Variants in PPP3CA observed in about 807,000 individuals in gnomAD.
The protein encoded by PPP3CA is protein phosphatase 3 catalytic subunit alpha, also known as CAM-PRP catalytic subunit.
Under a neutral mutation model 66.5 loss-of-function variants are expected in PPP3CA, and 14 were observed. The ratio of observed to expected loss-of-function variants is 0.21; its 90% CI spans 0.14 to 0.33. The LOEUF (loss-of-function observed/expected upper bound fraction) is 0.33, where lower values mean the gene tolerates loss of function less well. PPP3CA is among the 10% of genes least tolerant of loss of function. PPP3CA has a pLI of 1.00. For synonymous variants in PPP3CA, 232 were observed against 226.2 expected (o/e 1.03, Z -0.23); for missense variants, 317 against 639.5 (o/e 0.50, Z 5.44).
chr4:101,103,537 A>C (rs1730536564), intron 3 of PPP3CA, among the ~76,000 whole-genome samples: 1 of 152,200 alleles, frequency 6.6e-6, no homozygotes. Context: ...GTCACCTAAC[A>C]TCTCTTGTTG....
intron 1 of PPP3CA, among the ~76,000 whole-genome samples, chr4:101,341,208 CT>C (rs374057607): frequency 5.9e-5 from 8 of 134,826 alleles, no homozygotes; most frequent in Non-Finnish European, 1.1e-4. Context: ...TTTTCTTTTT[CT>C]TTTTTTTTTT....
intron 2 of PPP3CA, among the ~76,000 whole-genome samples, chr4:101,122,260 T>A (rs1722054652): frequency 6.6e-6 from 1 of 152,212 alleles, no homozygotes; most frequent in Non-Finnish European, 1.5e-5. Context: ...GTGACTGAGG[T>A]CACAACACTG....
intron 1 of PPP3CA, among the ~76,000 whole-genome samples, chr4:101,232,348 C>A (rs775339489): frequency 1.3e-5 from 2 of 151,608 alleles, no homozygotes; most frequent in Admixed American, 6.6e-5. Context: ...GGACCAGAGG[C>A]ACACATTTTT....
At position 101,249,511 on chromosome 4, in the gene PPP3CA, C is replaced by T. The variant is rs1726604434; in HGVS notation, c.59-53395G>A. Among the ~76,000 whole-genome samples, 5 of 151,888 alleles carry T rather than the reference C, an allele frequency of 3.3e-5. 1 individual carries two copies. Among genetic ancestry groups the T allele is most frequent in the Admixed American group, 3.3e-4 (5 of 15,268 alleles). On this transcript the variant is annotated intron_variant, in intron 1 of 13. Coordinates refer to ENST00000394854, the MANE Select transcript of PPP3CA (RefSeq NM_000944.5). ...GTGTTTTTTAGTACATTCATTCTTC[C>T]TTGAAATACCAAAGTTAAACATCAA... is the stretch of plus-strand genomic sequence containing the variant.
intron 1 of PPP3CA, among the ~76,000 whole-genome samples, chr4:101,228,877 AG>A (rs1725865056): frequency 6.6e-6 from 1 of 151,718 alleles, no homozygotes; most frequent in Non-Finnish European, 1.5e-5. Context: ...AACCTCCACC[AG>A]AAAGTTTAGT....
chr4:101,161,744 A>G (rs1723515886), intron 2 of PPP3CA, among the ~76,000 whole-genome samples: 1 of 152,180 alleles, frequency 6.6e-6, no homozygotes, highest in Admixed American at 6.5e-5. Flanking sequence ...ATACAGGAAA[A>G]AGAACAGATG....
At chr4:101,321,310 G>A (rs1729034980) in intron 1 of PPP3CA, among the ~76,000 whole-genome samples, 1 of 151,998 alleles carries the variant, frequency 6.6e-6, no homozygotes, top group Non-Finnish European at 1.5e-5. Context: ...TGGTATAGCC[G>A]ACTTACAGAA....
chr4:101,106,364 A>G (rs558406079), intron 3 of PPP3CA, among the ~76,000 whole-genome samples: 2 of 97,934 alleles, frequency 2.0e-5, no homozygotes, highest in Non-Finnish European at 4.0e-5. Context: ...TGTCTCATTT[A>G]AAAGAGAGAA....
At chr4:101,210,081 A>G (rs1011670041) in intron 1 of PPP3CA, among the ~76,000 whole-genome samples, 2 of 152,178 alleles carry the variant, frequency 1.3e-5, no homozygotes, top group Non-Finnish European at 2.9e-5. Flanking sequence ...ATAGATTCTC[A>G]AAAGAGTCTG....
intron 1 of PPP3CA, among the ~76,000 whole-genome samples, chr4:101,285,464 C>T (rs115313163): frequency 2.5e-4 from 38 of 152,174 alleles, no homozygotes; most frequent in African/African-American, 7.7e-4. Flanking sequence ...TGTTTTTGTA[C>T]GGCTTAAAGA....
chr4:101,330,077 C>T lies in PPP3CA; in HGVS notation c.58+16662G>A, dbSNP rs527548678. 3.0e-3 allele frequency among the ~76,000 whole-genome samples: 459 copies of T among 152,114 alleles called. 1 individual carries two copies. The highest frequency in any genetic ancestry group is 0.011 in the African/African-American group (441 of 41,496). On this transcript the variant is annotated intron_variant, in intron 1 of 13. Coordinates refer to ENST00000394854, the MANE Select transcript of PPP3CA (RefSeq NM_000944.5). ...AGATGTGGACAAAGTACATTGAAAA[C>T]CTTCTGGAAAGGATTCACCATTCTA...
intron 1 of PPP3CA, among the ~76,000 whole-genome samples, chr4:101,301,118 T>C (rs1325860107): frequency 6.6e-6 from 1 of 152,052 alleles, no homozygotes; most frequent in Non-Finnish European, 1.5e-5. Context: ...ATGTTTATAC[T>C]TACATTTACA....
At chr4:101,269,348 C>A (rs1014523841) in intron 1 of PPP3CA, among the ~76,000 whole-genome samples, 2 of 149,710 alleles carry the variant, frequency 1.3e-5, no homozygotes, top group African/African-American at 4.9e-5. Context: ...TTAAATGCAA[C>A]TTTCTTAGTT....
chr4:101,130,134 C>G (rs568411944), intron 2 of PPP3CA, among the ~76,000 whole-genome samples: 31 of 151,220 alleles, frequency 2.0e-4, no homozygotes, highest in African/African-American at 7.1e-4. Flanking sequence ...ATTGACCAAG[C>G]GGAAGAAAGG....
chr4:101,041,283 A>G (rs1344478852), intron 10 of PPP3CA, among the ~76,000 whole-genome samples: 1 of 152,090 alleles, frequency 6.6e-6, no homozygotes, highest in African/African-American at 2.4e-5. Context: ...AAATTAAAAA[A>G]ATTAATTACA....
intron 1 of PPP3CA, among the ~76,000 whole-genome samples, chr4:101,221,869 C>T (rs551212037): frequency 1.1e-4 from 17 of 151,682 alleles, no homozygotes; most frequent in African/African-American, 3.9e-4. Context: ...GGCTTATTCG[C>T]TATCTGGTAG....
At chr4:101,153,436 C>T (rs1272853466) in intron 2 of PPP3CA, among the ~76,000 whole-genome samples, 4 of 152,078 alleles carry the variant, frequency 2.6e-5, no homozygotes, top group African/African-American at 7.2e-5. Context: ...ACATATAGTT[C>T]AAGATTTCTG....
At chr4:101,076,202 A>C (rs1729183877) in intron 8 of PPP3CA, among the ~76,000 whole-genome samples, 1 of 152,114 alleles carries the variant, frequency 6.6e-6, no homozygotes, top group African/African-American at 2.4e-5. Context: ...ACTCCAATTT[A>C]GAAAGGGTAT....
chr4:101,224,295 G>A (rs1366517985), intron 1 of PPP3CA, among the ~76,000 whole-genome samples: 4 of 151,734 alleles, frequency 2.6e-5, no homozygotes, highest in Admixed American at 2.0e-4. Flanking sequence ...TCTTGGTTTT[G>A]AGATGCTTTT....
Sources: allele counts gnomAD v4.1 joint callset (sites outside exome capture counted in the v4.1 genomes callset), GRCh38; gene constraint gnomAD v4.1.1; transcripts MANE v1.5; gene names NCBI Gene and HGNC (gene_info 2026-07-23, HGNC 2026-07-21).